The following TEX9 variants were observed in gnomAD, a reference collection of about 807,000 sequenced individuals.
TEX9 encodes the protein testis-expressed protein 9.
In TEX9, 74 loss-of-function variants were observed where a neutral mutation model predicts 59.6. That is an observed-to-expected ratio of 1.24 (90% CI 1.03 to 1.51). TEX9 has a LOEUF of 1.51. Ranked by LOEUF, TEX9 falls within the 40% of genes most tolerant of loss-of-function variation. The pLI, the probability that TEX9 is intolerant of heterozygous loss-of-function variation, is 0.00. For synonymous variants in TEX9, 186 were observed against 152.2 expected (o/e 1.22, Z -1.64); for missense variants, 522 against 447.8 (o/e 1.17, Z -1.49).
chr15:56,293,119 G>A lies in TEX9; in HGVS notation c.-107+48841G>A, dbSNP rs539664683. On this transcript the variant is annotated intron_variant, in intron 1 of 5. Transcript: ENST00000560827. ...GAAGGCCAAGGCAGGAGGATCACTT[G>A]AGCCCAGGAGTTTGAAGCCAGTGTG... Among the ~76,000 whole-genome samples, 14 of 152,204 alleles carry A rather than the reference G, an allele frequency of 9.2e-5. No homozygotes were observed. The South Asian group carries it at 2.7e-3, about 29-fold the overall frequency.
chr15:56,408,701 AAG>A (rs1395483260), intron 9 of TEX9: 4 of 60,940 alleles, frequency 6.6e-5, no homozygotes, highest in African/African-American at 3.2e-4. Flanking sequence ...TCTAAAATTG[AAG>A]AGTCATCTTG....
chr15:56,383,896 C>G (rs2047845611), intron 3 of TEX9, 56 bp from the exon 4 acceptor site: 2 of 1,334,538 alleles, frequency 1.5e-6, no homozygotes, highest in Non-Finnish European at 2.1e-6. Flanking sequence ...TTGAATATAT[C>G]TTAATGGTTT....
At chr15:56,328,211 A>G (rs2046066175) in intron 1 of TEX9, among the ~76,000 whole-genome samples, 1 of 151,818 alleles carries the variant, frequency 6.6e-6, no homozygotes. Flanking sequence ...TAGCTTCTGG[A>G]TGACATTTCT....
At chr15:56,448,621 T>C (rs1431648137), downstream of TEX9, among the ~76,000 whole-genome samples, 3 of 152,222 alleles carry the variant, frequency 2.0e-5, no homozygotes, top group Non-Finnish European at 4.4e-5. Flanking sequence ...ACATTTTCTT[T>C]ACCCAATTTC....
intron 3 of TEX9, chr15:56,374,575 A>T (rs1293584310): frequency 3.9e-5 from 6 of 152,190 alleles, no homozygotes; most frequent in Admixed American, 3.3e-4. Flanking sequence ...TTAATTTAAA[A>T]TGTACAATTA....
intron 10 of TEX9, among the ~76,000 whole-genome samples, chr15:56,420,388 A>G (rs1596227654): frequency 6.6e-6 from 1 of 150,528 alleles, no homozygotes; most frequent in Non-Finnish European, 1.5e-5. Flanking sequence ...GCTCACTGCA[A>G]CCTCCGCCTC....
chr15:56,366,955 A>G (rs1835366505), intron 2 of TEX9, among the ~76,000 whole-genome samples: 1 of 152,198 alleles, frequency 6.6e-6, no homozygotes, highest in Non-Finnish European at 1.5e-5. Flanking sequence ...TCTGTTTTCT[A>G]TATATAGTTC....
At chr15:56,344,391 G>A (rs1377291273) in intron 1 of TEX9, among the ~76,000 whole-genome samples, 1 of 152,130 alleles carries the variant, frequency 6.6e-6, no homozygotes, top group Non-Finnish European at 1.5e-5. Context: ...TGAAAACACT[G>A]TGCTAAATGA....
At chr15:56,251,091 T>G (rs1411117183) in intron 1 of TEX9, among the ~76,000 whole-genome samples, 1 of 152,214 alleles carries the variant, frequency 6.6e-6, no homozygotes, top group African/African-American at 2.4e-5. Context: ...CTGTCTCCTT[T>G]CCAAGAATAG....
chr15:56,323,256 T>C, intron 1 of TEX9: 1 of 216,902 alleles, frequency 4.6e-6, no homozygotes, highest in Non-Finnish European at 9.8e-6. Flanking sequence ...CTCAGAGTAG[T>C]GGAAGATCAT....
rs1184440226 is a variant in TEX9, at chr15:56,287,944, A to G, written c.-107+43666A>G. 3.3e-5 allele frequency among the ~76,000 whole-genome samples: 5 copies of G among 152,168 alleles called. No individual in the cohort carries two copies. In the South Asian group the frequency reaches 6.2e-4, roughly 19 times the overall value. ...ATTGATAAACACTTAGGTAGATTCA[A>G]TATCTTGGCGACTGTGAATAATGTT... On this transcript the variant is annotated intron_variant, in intron 1 of 5. Coordinates refer to the TEX9 transcript ENST00000560827.
chr15:56,381,821 C>T (rs1308633084), intron 3 of TEX9, among the ~76,000 whole-genome samples: 1 of 152,212 alleles, frequency 6.6e-6, no homozygotes, highest in Non-Finnish European at 1.5e-5. Flanking sequence ...CAGAACAGTA[C>T]TGGATGTTGC....
At chr15:56,272,789 A>C (rs2718939) in intron 1 of TEX9, among the ~76,000 whole-genome samples, 1 of 152,104 alleles carries the variant, frequency 6.6e-6, no homozygotes, top group Non-Finnish European at 1.5e-5. Flanking sequence ...CATCATTTAC[A>C]TTAAATGAAA....
At chr15:56,268,196 A>G (rs1483502702) in intron 1 of TEX9, among the ~76,000 whole-genome samples, 4 of 152,184 alleles carry the variant, frequency 2.6e-5, no homozygotes, top group Admixed American at 1.3e-4. Context: ...CTTTGCTGAA[A>G]TTGCTTATCA....
At chr15:56,437,129 G>A (rs890896202) in intron 12 of TEX9, among the ~76,000 whole-genome samples, 2 of 149,722 alleles carry the variant, frequency 1.3e-5, no homozygotes, top group East Asian at 3.9e-4. Context: ...CTGATACTTT[G>A]GTCGTCTGTC....
intron 1 of TEX9, among the ~76,000 whole-genome samples, chr15:56,309,693 GTTTTTTTTTT>G (rs60648387): frequency 5.4e-4 from 33 of 60,786 alleles, no homozygotes; most frequent in East Asian, 1.3e-3. Flanking sequence ...TTTATGGGAA[GTTTTTTTTTT>G]TTTTTTTTTT....
At chr15:56,443,037 C>G (rs2050846212) in intron 12 of TEX9, among the ~76,000 whole-genome samples, 1 of 152,096 alleles carries the variant, frequency 6.6e-6, no homozygotes, top group Non-Finnish European at 1.5e-5. Flanking sequence ...ACTATGACAT[C>G]TTCTAGATGA....
At chr15:56,435,276 AC>A (rs2050701922) in intron 12 of TEX9, among the ~76,000 whole-genome samples, 2 of 151,998 alleles carry the variant, frequency 1.3e-5, no homozygotes, top group Admixed American at 6.6e-5. Flanking sequence ...TATAAAAAGA[AC>A]TGTAAAGTAA....
chr15:56,391,122 T>A (rs2048188810), intron 6 of TEX9, 121 bp from the exon 7 acceptor site: 1 of 510,580 alleles, frequency 2.0e-6, no homozygotes, highest in Admixed American at 4.1e-5. Context: ...TCATCATAAA[T>A]TTAAATTTAT....
Sources: gnomAD v4.1 joint callset for allele counts (sites outside exome capture counted in the v4.1 genomes callset) on GRCh38, gnomAD v4.1.1 for gene constraint, MANE v1.5 for transcripts, NCBI Gene and HGNC (gene_info 2026-07-23, HGNC 2026-07-21) for gene names.